SHANK1: variants seen among roughly 807,000 people sequenced by gnomAD.
The protein encoded by SHANK1 is SH3 and multiple ankyrin repeat domains protein 1.
SHANK1 carries 35 observed loss-of-function variants against 165.6 expected under a neutral mutation model. That is an observed-to-expected ratio of 0.21 (90% CI 0.16 to 0.28). The LOEUF (loss-of-function observed/expected upper bound fraction) is 0.28. Ranked by LOEUF, SHANK1 falls within the 10% of genes least tolerant of loss-of-function variation. SHANK1 has a pLI of 1.00. For missense variants in SHANK1, 2,681 were observed against 3,036.4 expected (o/e 0.88, Z 2.75); for synonymous variants, 1,428 against 1,384.8 (o/e 1.03, Z -0.69).
At chr19:50,704,649 G>T in intron 8 of SHANK1, 135 bp from the exon 9 acceptor site, 1 of 769,010 alleles carries the variant, frequency 1.3e-6, no homozygotes. Context: ...GAGGACAGCA[G>T]CCACCTGCCA....
Position 50,713,875 on chromosome 19 carries a change from G to A in SHANK1, c.715C>T (p.His239Tyr), listed in dbSNP as rs2089037809. Reference sequence around the variant, plus strand: ...CCATCCCGGGCCCGGAAGTCAATGTGGGCCCCGCCCAGGCACAGGGTTCGA... The same window carrying A: ...CCATCCCGGGCCCGGAAGTCAATGTAGGCCCCGCCCAGGCACAGGGTTCGA... Reference protein sequence around the residue: ...VIRTLCLGGAHIDFRARDGMT... With the variant: ...VIRTLCLGGAYIDFRARDGMT... Residue 239 changes from histidine to tyrosine, a missense_variant, in exon 6 of 24, where the codon CAC becomes TAC. By Grantham distance (83) the His-to-Tyr change is moderately conservative. Around this residue, in one of 10 missense-constraint regions of SHANK1, gnomAD observed 189 missense variants for 440.9 expected, o/e 0.43. Transcript: ENST00000293441. This position sits in a 1 kb window ranked among gnomAD's most constrained non-coding sequence, Gnocchi z 6.2. The A allele has an allele frequency of 6.2e-7, 1 of 1,613,846 alleles. No homozygotes were observed. The highest frequency in any genetic ancestry group is 8.5e-7 in the Non-Finnish European group (1 of 1,179,978).
rs376999950 is a variant in SHANK1, at chr19:50,686,391, A to G, written c.2459-36T>C. ...ATGAATGAACAGAGGTGGGAAGACA[A>G]TGAAATGAAGTTTGCTTTGACCCGG... On this transcript the variant is annotated intron_variant, in intron 20 of 23. Transcript: ENST00000293441. This position sits in a 1 kb window ranked among gnomAD's most constrained non-coding sequence, Gnocchi z 5.7. 3 of 1,436,014 alleles carry G rather than the reference A, an allele frequency of 2.1e-6. No individual in the cohort carries two copies. The highest frequency in any genetic ancestry group is 2.3e-5 in the East Asian group (1 of 42,672). 89.0% of individuals were successfully genotyped at this position (1,436,014 alleles called of 1,614,324 possible).
chr19:50,716,182 T>G lies in SHANK1; in HGVS notation c.459+93A>C. 12 of 1,214,224 alleles carry G rather than the reference T, an allele frequency of 9.9e-6. No homozygotes were observed. Among genetic ancestry groups the G allele is most frequent in the Non-Finnish European group, 1.3e-5 (11 of 831,790 alleles). 75.2% of individuals were successfully genotyped at this position (1,214,224 alleles called of 1,614,324 possible). ...GACTCGCACACTGGGTGCCCCCTCG[T>G]TAAGGTTTCGAGTGTGTTAAAAAGT... On this transcript the variant is annotated intron_variant, in intron 3 of 23. Coordinates refer to ENST00000293441, the MANE Select transcript of SHANK1 (RefSeq NM_016148.5). This position sits in a 1 kb window ranked among gnomAD's most constrained non-coding sequence, Gnocchi z 8.4.
chr19:50,668,576 G>T lies in SHANK1; in HGVS notation c.3384C>A (p.Pro1128=). Residue 1128 remains proline (P), a synonymous_variant, in exon 23 of 24, where the codon CCC becomes CCA. Coordinates refer to ENST00000293441, the MANE Select transcript of SHANK1 (RefSeq NM_016148.5). ...GEPQKGGGLP[P]APSPTSPASP... is the part of the protein sequence containing the mutation. ...AGGCCGGGGACGTGGGCGACGGCGCGGGCGGGAGGCCGCCGCCCTTCTGGG... is the reference window on the plus strand; with the variant it reads ...AGGCCGGGGACGTGGGCGACGGCGCTGGCGGGAGGCCGCCGCCCTTCTGGG... 7.5e-7 allele frequency: 1 copy of T among 1,339,676 alleles called. No homozygotes were observed. The highest frequency in any genetic ancestry group is 9.6e-7 in the Non-Finnish European group (1 of 1,044,086). The allele number at this position is 1,339,676 out of a possible 1,614,324, so 83.0% of individuals were successfully genotyped here.
chr19:50,674,435 A>G (rs538668390), intron 21 of SHANK1, among the ~76,000 whole-genome samples: 2 of 152,032 alleles, frequency 1.3e-5, no homozygotes, highest in South Asian at 2.1e-4. Flanking sequence ...ACTTCCCACT[A>G]TACCCCCTCC....
chr19:50,710,798 C>T (rs372496558), intron 8 of SHANK1, among the ~76,000 whole-genome samples: 10 of 152,358 alleles, frequency 6.6e-5, no homozygotes, highest in Middle Eastern at 3.4e-3. Context: ...TGTGCCCTGC[C>T]GTGCCGCCAC....
In SHANK1 at chr19:50,661,000, G is replaced by C. The variant is rs1411345818; in HGVS notation, c.*965C>G. The stretch of plus-strand genomic sequence containing the variant: ...GGAGAGTTGGGGAGTGGAAGAATCT[G>C]GGGTTTTTAAGAATAAGAAGGGAAA... On this transcript the variant is annotated 3_prime_UTR_variant, in exon 24 of 24. Coordinates refer to ENST00000293441, the MANE Select transcript of SHANK1 (RefSeq NM_016148.5). Among the ~76,000 whole-genome samples the C allele has an allele frequency of 6.6e-6, 1 of 151,964 alleles. No individual in the cohort carries two copies. Among genetic ancestry groups the C allele is most frequent in the Non-Finnish European group, 1.5e-5 (1 of 67,982 alleles).
Position 50,662,818 on chromosome 19 carries a change from C to T in SHANK1, c.5769-136G>A, listed in dbSNP as rs910437489. On this transcript the variant is annotated intron_variant, in intron 23 of 23. Coordinates refer to ENST00000293441, the MANE Select transcript of SHANK1 (RefSeq NM_016148.5). This position sits in a 1 kb window ranked among gnomAD's most constrained non-coding sequence, Gnocchi z 7.7. ...GGTAGGGGGAGAGACGGAGGAGAGACGGGAAGAAATGGAGGGAGCAAGGGG... is the reference window on the plus strand; with the variant it reads ...GGTAGGGGGAGAGACGGAGGAGAGATGGGAAGAAATGGAGGGAGCAAGGGG... 26 of 827,810 alleles carry T rather than the reference C, an allele frequency of 3.1e-5. No individual in the cohort carries two copies. The highest frequency in any genetic ancestry group is 2.2e-4 in the East Asian group (8 of 37,008). 51.3% of individuals were successfully genotyped at this position (827,810 alleles called of 1,614,324 possible).
Position 50,667,540 on chromosome 19 carries a change from T to C in SHANK1, c.4420A>G (p.Ser1474Gly). 2 of 1,488,062 alleles carry C rather than the reference T, an allele frequency of 1.3e-6. No individual in the cohort carries two copies. Among genetic ancestry groups the C allele is most frequent in the Non-Finnish European group, 1.8e-6 (2 of 1,134,308 alleles). The allele number at this position is 1,488,062 out of a possible 1,614,324, so 92.2% of individuals were successfully genotyped here. ...TEPPAPHPGV[S>G]KPWRSAAPEE... ...GGGGCTGCGGACCTCCAGGGCTTGC[T>C]TACTCCGGGGTGCGGGGCCGGGGGC... Residue 1474 changes from serine (S) to glycine (G), a missense_variant, in exon 23 of 24, where the codon AGC becomes GGC. Physicochemically the swap from Ser to Gly is moderately conservative, Grantham distance 56. Coordinates refer to ENST00000293441, the MANE Select transcript of SHANK1 (RefSeq NM_016148.5). The surrounding 1 kb of genome is among the most constrained non-coding windows in gnomAD (Gnocchi z 5.7).
chr19:50,689,925 T>A (rs1019471512), intron 15 of SHANK1, among the ~76,000 whole-genome samples: 4 of 152,198 alleles, frequency 2.6e-5, no homozygotes, highest in African/African-American at 9.6e-5. Flanking sequence ...AATTCTGCAC[T>A]GCCCAATATG....
Position 50,687,952 on chromosome 19 carries a change from G to T in SHANK1, c.2279C>A (p.Pro760Gln). Reference protein sequence around the residue: ...MVKVVMVTRHPDMDEAVHKKA... With the variant: ...MVKVVMVTRHQDMDEAVHKKA... ...CTTGTGCACTGCCTCATCCATGTCC[G>T]GGTGCCTGGTGACCATCACCACCTT... The change falls in exon 18 of 24, where the codon CCG becomes CAG. Residue 760 changes from proline (P) to glutamine (Q), a missense_variant. Coordinates refer to ENST00000293441, the MANE Select transcript of SHANK1 (RefSeq NM_016148.5). 2 of 1,614,028 alleles carry T rather than the reference G, an allele frequency of 1.2e-6. No individual in the cohort carries two copies. Among genetic ancestry groups the T allele is most frequent in the Non-Finnish European group, 1.7e-6 (2 of 1,179,968 alleles).
rs1356925615 is a variant in SHANK1, at chr19:50,686,961, G to C, written c.2390-149C>G. 1 of 1,365,942 alleles carries C rather than the reference G, an allele frequency of 7.3e-7. No homozygotes were observed. Among genetic ancestry groups the C allele is most frequent in the Non-Finnish European group, 9.6e-7 (1 of 1,038,480 alleles). 84.6% of individuals were successfully genotyped at this position (1,365,942 alleles called of 1,614,324 possible). On this transcript the variant is annotated intron_variant, in intron 19 of 23. Coordinates refer to ENST00000293441, the MANE Select transcript of SHANK1 (RefSeq NM_016148.5). The surrounding 1 kb of genome is among the most constrained non-coding windows in gnomAD (Gnocchi z 5.7). ...AGGGGCCGGGGTCAGGGAGGGGCGA[G>C]TCCGCCGGCGGGGTCGGGAGACGGG... is the stretch of plus-strand genomic sequence containing the variant.
At position 50,690,385 on chromosome 19, in the gene SHANK1, C is replaced by T. The variant is rs1986503431; in HGVS notation, c.1965-1106G>A. ...TACACCTCAGGAATATACATCCATT[C>T]CATTCCCAGAGGATCCGACACCCCA... is the stretch of plus-strand genomic sequence containing the variant. On this transcript the variant is annotated intron_variant, in intron 15 of 23. Transcript: ENST00000293441. This position sits in a 1 kb window ranked among gnomAD's most constrained non-coding sequence, Gnocchi z 4.9. 6.6e-6 allele frequency among the ~76,000 whole-genome samples: 1 copy of T among 152,110 alleles called. No individual in the cohort carries two copies. The highest frequency in any genetic ancestry group is 6.6e-5 in the Admixed American group (1 of 15,264).
At chr19:50,710,905 A>C in intron 8 of SHANK1, 1 of 159,582 alleles carries the variant, frequency 6.3e-6, no homozygotes, top group African/African-American at 2.4e-5. Context: ...CTGTGCCCCC[A>C]CCCTGGAGCA....
chr19:50,673,111 G>A (rs114862991), intron 21 of SHANK1, among the ~76,000 whole-genome samples: 36 of 152,206 alleles, frequency 2.4e-4, no homozygotes, highest in Non-Finnish European at 1.5e-4. Flanking sequence ...CACGATGGAC[G>A]GATACGGAGG....
At chr19:50,704,663 A>G (rs2088916728) in intron 8 of SHANK1, 149 bp from the exon 9 acceptor site, 2 of 699,270 alleles carry the variant, frequency 2.9e-6, no homozygotes, top group South Asian at 1.8e-5. Context: ...CCTGCCAGGT[A>G]CGGACCAGGA....
Position 50,703,560 on chromosome 19 carries a change from C to T in SHANK1, c.1493G>A (p.Arg498His), listed in dbSNP as rs947278432. Residue 498 changes from arginine (R) to histidine (H), a missense_variant, in exon 11 of 24, where the codon CGC (arginine) becomes CAC (histidine). Physicochemically the swap from Arg to His is conservative, Grantham distance 29. Coordinates refer to ENST00000293441, the MANE Select transcript of SHANK1 (RefSeq NM_016148.5). ...AGGGTGCCTCCCTCGGGATGGAGAG[C>T]GGGCCCTGGCACCCCGGGGGCTGCT... ...SASSPRGARA[R>H]SPSRGRHPED... is the part of the protein sequence containing the mutation. 5.8e-6 allele frequency: 9 copies of T among 1,553,202 alleles called. No homozygotes were observed. The Admixed American group carries it at 9.5e-5, about 16-fold the overall frequency.
intron 8 of SHANK1, among the ~76,000 whole-genome samples, chr19:50,708,772 C>G (rs2088974373): frequency 6.6e-6 from 1 of 152,204 alleles, no homozygotes; most frequent in Non-Finnish European, 1.5e-5. Context: ...CCCCATCATT[C>G]ATTCACTCAT....
At position 50,713,523 on chromosome 19, in the gene SHANK1, A is replaced by G. The variant is rs1405079335; in HGVS notation, c.792+275T>C. On this transcript the variant is annotated intron_variant, in intron 6 of 23. Transcript: ENST00000293441. This position sits in a 1 kb window ranked among gnomAD's most constrained non-coding sequence, Gnocchi z 6.2. ...GGAGACAGAGGCAGATTTGGTATTAAGCTGGGCCACAGGGGATGGAGACGT... is the reference window on the plus strand; with the variant it reads ...GGAGACAGAGGCAGATTTGGTATTAGGCTGGGCCACAGGGGATGGAGACGT... Among the ~76,000 whole-genome samples, 1 of 152,006 alleles carries G rather than the reference A, an allele frequency of 6.6e-6. No individual in the cohort carries two copies.
Sources: gnomAD v4.1 joint callset for allele counts (sites outside exome capture counted in the v4.1 genomes callset) on GRCh38, gnomAD v4.1.1 for gene constraint, gnomAD v4.1.1 regional missense constraint, Gnocchi (gnomAD v3.1) non-coding constraint, MANE v1.5 for transcripts, NCBI Gene and HGNC (gene_info 2026-07-23, HGNC 2026-07-21) for gene names.